SEC23IP: variants seen among roughly 807,000 people sequenced by gnomAD.
SEC23IP encodes SEC23-interacting protein.
A neutral mutation model predicts 113.4 loss-of-function variants in SEC23IP; 70 were observed. The observed-to-expected ratio is 0.62, with a 90% confidence interval of 0.51 to 0.75. The LOEUF (loss-of-function observed/expected upper bound fraction) is 0.75, where lower values mean the gene tolerates loss of function less well. Among genes scored for constraint, SEC23IP ranks in the 30% least tolerant of loss-of-function variants. The pLI, the probability that SEC23IP is intolerant of heterozygous loss-of-function variation, is 0.00. For synonymous variants in SEC23IP, 398 were observed against 421.0 expected (o/e 0.95, Z 0.67); for missense variants, 1,160 against 1,204.9 (o/e 0.96, Z 0.55).
intron 7 of SEC23IP, 22 bp from the exon 8 acceptor site, chr10:119,915,726 C>CTT (rs398046283): frequency 0.069 from 78,945 of 1,147,382 alleles, 1,164 homozygotes; most frequent in South Asian, 0.2. Flanking sequence ...TTTATTTTCT[C>CTT]TTTTTTTTTT....
chr10:119,916,226 A>G (rs903670081), intron 8 of SEC23IP, among the ~76,000 whole-genome samples: 27 of 152,332 alleles, frequency 1.8e-4, no homozygotes, highest in Admixed American at 1.4e-3. Flanking sequence ...AGAAATTGCC[A>G]GATGTCCCCT....
At chr10:119,914,954 A>G (rs961188271) in intron 7 of SEC23IP, 135 bp downstream of exon 7, 5 of 754,586 alleles carry the variant, frequency 6.6e-6, no homozygotes, top group African/African-American at 5.2e-5. Flanking sequence ...TTAAATGGTC[A>G]GTGGGAAATA....
chr10:119,913,019 A>G (rs1418762941), intron 6 of SEC23IP, among the ~76,000 whole-genome samples: 1 of 152,186 alleles, frequency 6.6e-6, no homozygotes, highest in African/African-American at 2.4e-5. Context: ...AGTAGAAGTT[A>G]TTCCTTCAAC....
chr10:119,931,819 T>G (rs1855614337), intron 15 of SEC23IP, among the ~76,000 whole-genome samples: 1 of 152,046 alleles, frequency 6.6e-6, no homozygotes, highest in African/African-American at 2.4e-5. Context: ...CCCAAAGTGC[T>G]GGGATTACAG....
chr10:119,924,765 C>T (rs34415104), intron 12 of SEC23IP, among the ~76,000 whole-genome samples: 8,306 of 151,794 alleles, frequency 0.055, 426 homozygotes, highest in South Asian at 0.27. Context: ...TTTATGGAAA[C>T]GCATAGATCT....
At chr10:119,935,452 CTCTA>C (rs1214476807) in intron 18 of SEC23IP, among the ~76,000 whole-genome samples, 1 of 151,848 alleles carries the variant, frequency 6.6e-6, no homozygotes, top group Non-Finnish European at 1.5e-5. Flanking sequence ...CAGAGTGAGA[CTCTA>C]TCTAAAAAAA....
intron 11 of SEC23IP, among the ~76,000 whole-genome samples, chr10:119,920,607 G>A (rs1275267192): frequency 2.0e-5 from 3 of 152,226 alleles, no homozygotes; most frequent in African/African-American, 7.2e-5. Context: ...GTTTGGGACA[G>A]CAGTGGGAGG....
At chr10:119,902,684 A>T in intron 2 of SEC23IP, 115 bp from the exon 3 acceptor site, 1 of 830,812 alleles carries the variant, frequency 1.2e-6, no homozygotes, top group Non-Finnish European at 1.9e-6. Context: ...TTATTACACT[A>T]AGTAATTGTC....
intron 18 of SEC23IP, among the ~76,000 whole-genome samples, chr10:119,937,744 G>A (rs1221024553): frequency 6.6e-6 from 1 of 151,770 alleles, no homozygotes; most frequent in East Asian, 1.9e-4. Context: ...TTGTAATTTA[G>A]AAGAGTAAGG....
In SEC23IP at chr10:119,909,041, G is replaced by A; in HGVS notation, c.1102G>A (p.Ala368Thr). 6.3e-7 allele frequency: 1 copy of A among 1,598,324 alleles called. No homozygotes were observed. Among genetic ancestry groups the A allele is most frequent in the Non-Finnish European group, 8.5e-7 (1 of 1,171,002 alleles). ...YTEEFSEKLE[A>T]EYKKAVTTNQ... is the part of the protein sequence containing the mutation. ...ATATATGTTGTTTCCCCCATTATAG[G>A]CTGAATATAAAAAAGCTGTAACCAC... Residue 368 changes from alanine to threonine, a missense_variant and splice_region_variant, in exon 5 of 19, where the codon GCT becomes ACT. By Grantham distance (58) the Ala-to-Thr change is moderately conservative (BLOSUM62 0). Coordinates refer to ENST00000369075, the MANE Select transcript of SEC23IP (RefSeq NM_007190.4).
rs1855108796 is a variant in SEC23IP at position 119,917,971 on chromosome 10, C to T, written c.1680C>T (p.Asn560=). ...TIVEKVGMEI[N]HLHALFMSRN... ...TGGAAAAAGTAGGAATGGAGATAAA[C>T]CATCTGCATGCACTCTTTATGAGTC... The change falls in exon 9 of 19, where the codon AAC becomes AAT. Residue 560 remains asparagine, a synonymous_variant. Coordinates refer to ENST00000369075, the MANE Select transcript of SEC23IP (RefSeq NM_007190.4). The T allele has an allele frequency of 1.9e-6, 3 of 1,613,898 alleles. No homozygotes were observed. The highest frequency in any genetic ancestry group is 2.5e-6 in the Non-Finnish European group (3 of 1,179,930).
At chr10:119,897,829 C>G (rs993138731) in intron 1 of SEC23IP, among the ~76,000 whole-genome samples, 2 of 150,384 alleles carry the variant, frequency 1.3e-5, no homozygotes, top group African/African-American at 4.9e-5. Flanking sequence ...GAAACTTCAT[C>G]TCTACTAAAA....
chr10:119,892,939 C>A lies in SEC23IP; in HGVS notation c.157C>A (p.Pro53Thr). ...ASASPASLLL[P>T]GEDSTDVGEE... ...CGCTTCTCCGGCCTCCCTGCTCTTACCGGGAGGTAATAAGGGGAGGGCGGC... is the reference window on the plus strand; with the variant it reads ...CGCTTCTCCGGCCTCCCTGCTCTTAACGGGAGGTAATAAGGGGAGGGCGGC... Residue 53 changes from proline (P) to threonine (T), a missense_variant, in exon 1 of 19, where the codon CCG (proline) becomes ACG (threonine). Physicochemically the swap from Pro to Thr is conservative, Grantham distance 38. Transcript: ENST00000369075. 1 of 1,612,060 alleles carries A rather than the reference C, an allele frequency of 6.2e-7. No individual in the cohort carries two copies. The highest frequency in any genetic ancestry group is 8.5e-7 in the Non-Finnish European group (1 of 1,179,036).
chr10:119,935,948 G>T (rs34193663), intron 18 of SEC23IP, among the ~76,000 whole-genome samples: 8,407 of 152,250 alleles, frequency 0.055, 430 homozygotes, highest in South Asian at 0.27. Context: ...GTTCTTTTTA[G>T]GTATTCCATT....
intron 2 of SEC23IP, among the ~76,000 whole-genome samples, chr10:119,902,225 G>A (rs868793840): frequency 2.0e-5 from 3 of 151,980 alleles, no homozygotes; most frequent in Admixed American, 6.6e-5. Flanking sequence ...GTGTGGTGGC[G>A]CATGCCTGTA....
At chr10:119,894,889 AGTCTGTGTGT>A (rs1854219649) in intron 1 of SEC23IP, among the ~76,000 whole-genome samples, 1 of 126,032 alleles carries the variant, frequency 7.9e-6, no homozygotes, top group South Asian at 2.7e-4. Context: ...TCTTGGAGAC[AGTCTGTGTGT>A]GTGTGTGTGT....
chr10:119,927,202 G>A (rs17099382), intron 13 of SEC23IP, among the ~76,000 whole-genome samples: 8,405 of 152,288 alleles, frequency 0.055, 429 homozygotes, highest in South Asian at 0.27. Flanking sequence ...CGGGCCTCCA[G>A]CTGCATTTTT....
intron 14 of SEC23IP, 97 bp downstream of exon 14, chr10:119,929,859 C>T (rs925224173): frequency 1.2e-5 from 9 of 757,152 alleles, no homozygotes; most frequent in Middle Eastern, 3.7e-4. Context: ...ATGTGGACCA[C>T]ACTGGTCTCA....
rs191012513 is a variant in SEC23IP at position 119,933,160 on chromosome 10, T to C, written c.2914T>C (p.Cys972Arg). The C allele has an allele frequency of 1.7e-5, 27 of 1,613,610 alleles. No individual in the cohort carries two copies. Among genetic ancestry groups the C allele is most frequent in the East Asian group, 2.2e-5 (1 of 44,874 alleles). ...CCTTTTCGCTCTTCAGAGTCACTTA[T>C]GCTATTGGTAAGTGTTCTTAAATTT... ...EYLFALQSHL[C>R]YWESEDTALL... The change falls in exon 17 of 19, where the codon TGC (cysteine) becomes CGC (arginine). Residue 972 changes from cysteine (C) to arginine (R), a missense_variant. Coordinates refer to ENST00000369075, the MANE Select transcript of SEC23IP (RefSeq NM_007190.4).
Sources: allele counts gnomAD v4.1 joint callset (sites outside exome capture counted in the v4.1 genomes callset), GRCh38; gene constraint gnomAD v4.1.1; transcripts MANE v1.5; gene names NCBI Gene and HGNC (gene_info 2026-07-23, HGNC 2026-07-21).